The following WDR70 variants were observed in gnomAD, a reference collection of about 807,000 sequenced individuals.
WDR70 encodes WD repeat-containing protein 70.
WDR70 carries 53 observed loss-of-function variants against 88.6 expected under a neutral mutation model. That is an observed-to-expected ratio of 0.60 (90% CI 0.48 to 0.75). WDR70 has a LOEUF of 0.75. Ranked by LOEUF, WDR70 falls within the 30% of genes least tolerant of loss-of-function variation. The pLI is 0.00. For missense variants in WDR70, 610 were observed against 823.2 expected (o/e 0.74, Z 3.17); for synonymous variants, 280 against 270.0 (o/e 1.04, Z -0.36).
intron 5 of WDR70, among the ~76,000 whole-genome samples, chr5:37,404,096 A>G (rs1329610789): frequency 1.3e-5 from 2 of 152,166 alleles, no homozygotes; most frequent in African/African-American, 4.8e-5. Flanking sequence ...ATTAAAAAGT[A>G]TGCATGCTTA....
intron 5 of WDR70, among the ~76,000 whole-genome samples, chr5:37,426,601 G>T (rs754420253): frequency 2.6e-5 from 4 of 152,164 alleles, no homozygotes; most frequent in Non-Finnish European, 5.9e-5. Flanking sequence ...GGCTGGCTCC[G>T]TTGAAACTTG....
intron 10 of WDR70, among the ~76,000 whole-genome samples, chr5:37,680,316 A>G (rs1379375127): frequency 1.3e-5 from 2 of 152,254 alleles, no homozygotes; most frequent in East Asian, 3.9e-4. Context: ...TCAGATGCAT[A>G]GATTGTAAAA....
intron 17 of WDR70, among the ~76,000 whole-genome samples, chr5:37,739,060 A>C (rs1456514359): frequency 6.6e-6 from 1 of 152,218 alleles, no homozygotes; most frequent in Non-Finnish European, 1.5e-5. Flanking sequence ...TGACATTTAT[A>C]ATCAAGTGGA....
chr5:37,525,666 C>G (rs1741243926), intron 9 of WDR70, among the ~76,000 whole-genome samples: 1 of 152,032 alleles, frequency 6.6e-6, no homozygotes, highest in Non-Finnish European at 1.5e-5. Flanking sequence ...CACAAAAAAC[C>G]CTTCAAAAAA....
chr5:37,702,316 C>T (rs945513614), intron 12 of WDR70, among the ~76,000 whole-genome samples: 1 of 152,180 alleles, frequency 6.6e-6, no homozygotes, highest in Non-Finnish European at 1.5e-5. Flanking sequence ...ATTATACCTG[C>T]TGCAAGTAAT....
intron 9 of WDR70, among the ~76,000 whole-genome samples, chr5:37,545,541 GTTTTTT>G (rs113470000): frequency 6.9e-6 from 1 of 145,046 alleles, no homozygotes; most frequent in Admixed American, 6.9e-5. Flanking sequence ...TTTTGTTTTT[GTTTTTT>G]TTTTGAGATA....
chr5:37,394,522 T>C lies in WDR70; in HGVS notation c.297-1853T>C, dbSNP rs1748949537. Among the ~76,000 whole-genome samples, 3 of 152,104 alleles carry C rather than the reference T, an allele frequency of 2.0e-5. No homozygotes were observed. In the South Asian group the frequency reaches 6.2e-4, roughly 31 times the overall value. ...TGAGCTCACGTTGTTGTGGGAGTAT[T>C]TGAAGGGATAGATAACAGACAACTA... On this transcript the variant is annotated intron_variant, in intron 4 of 17. Coordinates refer to ENST00000265107, the MANE Select transcript of WDR70 (RefSeq NM_018034.4).
At chr5:37,648,624 A>T (rs1195347118) in intron 10 of WDR70, among the ~76,000 whole-genome samples, 2 of 146,220 alleles carry the variant, frequency 1.4e-5, no homozygotes, top group African/African-American at 5.6e-5. Context: ...GAATTTATGG[A>T]TAAAAATTGT....
chr5:37,612,313 G>A (rs1044493271), intron 10 of WDR70, among the ~76,000 whole-genome samples: 1 of 152,056 alleles, frequency 6.6e-6, no homozygotes, highest in Non-Finnish European at 1.5e-5. Flanking sequence ...ACAGCTAAAT[G>A]TCTACTGCAT....
intron 7 of WDR70, among the ~76,000 whole-genome samples, chr5:37,447,695 C>T (rs913442996): frequency 6.6e-6 from 1 of 152,074 alleles, no homozygotes; most frequent in African/African-American, 2.4e-5. Flanking sequence ...GGACAGAAAA[C>T]CAAACACCGC....
chr5:37,496,578 C>T (rs1414256859), intron 8 of WDR70, among the ~76,000 whole-genome samples: 1 of 152,216 alleles, frequency 6.6e-6, no homozygotes, highest in Non-Finnish European at 1.5e-5. Context: ...TCACTAATGT[C>T]TTCTGCAATA....
chr5:37,572,622 T>A (rs1742941525), intron 9 of WDR70, among the ~76,000 whole-genome samples: 1 of 152,060 alleles, frequency 6.6e-6, no homozygotes, highest in South Asian at 2.1e-4. Flanking sequence ...TTAACCCCAC[T>A]TGCACCAGTT....
intron 8 of WDR70, among the ~76,000 whole-genome samples, chr5:37,508,503 C>T (rs1055722352): frequency 3.3e-5 from 5 of 152,224 alleles, no homozygotes; most frequent in Non-Finnish European, 7.3e-5. Flanking sequence ...TTTTCTGTCA[C>T]TGATTGGCTG....
chr5:37,594,957 A>G (rs922727580), intron 9 of WDR70, among the ~76,000 whole-genome samples: 5 of 152,154 alleles, frequency 3.3e-5, no homozygotes, highest in African/African-American at 1.2e-4. Flanking sequence ...TTATTTGTGT[A>G]TAGGAATGCT....
In WDR70 at chr5:37,434,772, A is replaced by G. The variant is rs952154729; in HGVS notation, c.493-3150A>G. 2.6e-5 allele frequency among the ~76,000 whole-genome samples: 4 copies of G among 152,356 alleles called. No individual in the cohort carries two copies. The East Asian group carries it at 7.7e-4, about 29-fold the overall frequency. ...AAATTAAGCCAAAACAAAAAATGGT[A>G]TATTTTCCTCTCTTCCATTGGGACT... On this transcript the variant is annotated intron_variant, in intron 5 of 17. Coordinates refer to ENST00000265107, the MANE Select transcript of WDR70 (RefSeq NM_018034.4).
At chr5:37,519,469 G>C (rs1741009408) in intron 9 of WDR70, among the ~76,000 whole-genome samples, 1 of 147,792 alleles carries the variant, frequency 6.8e-6, no homozygotes, top group Admixed American at 6.7e-5. Context: ...TGGGCTGCCG[G>C]GCGGAGGCGC....
At chr5:37,547,703 C>T (rs1742036670) in intron 9 of WDR70, among the ~76,000 whole-genome samples, 1 of 151,928 alleles carries the variant, frequency 6.6e-6, no homozygotes, top group African/African-American at 2.4e-5. Flanking sequence ...CTATAGTAAC[C>T]CTGTTGTGCT....
chr5:37,447,066 C>T (rs1177520393), intron 7 of WDR70, among the ~76,000 whole-genome samples: 1 of 152,056 alleles, frequency 6.6e-6, no homozygotes, highest in African/African-American at 2.4e-5. Flanking sequence ...ATATCCAAAA[C>T]CTACAAAGAA....
intron 17 of WDR70, among the ~76,000 whole-genome samples, chr5:37,748,499 C>T (rs927144103): frequency 2.0e-5 from 3 of 152,168 alleles, no homozygotes; most frequent in African/African-American, 7.2e-5. Flanking sequence ...AAATTCCAAA[C>T]CATAAAAACC....
Sources: allele counts gnomAD v4.1 joint callset (sites outside exome capture counted in the v4.1 genomes callset), GRCh38; gene constraint gnomAD v4.1.1; transcripts MANE v1.5; gene names NCBI Gene and HGNC (gene_info 2026-07-23, HGNC 2026-07-21).